ST8SIA1: variants seen among roughly 807,000 people sequenced by gnomAD.
The protein encoded by ST8SIA1 is ST8 alpha-N-acetyl-neuraminide alpha-2,8-sialyltransferase 1.
A neutral mutation model predicts 35.9 loss-of-function variants in ST8SIA1; 16 were observed. That is an observed-to-expected ratio of 0.45 (90% CI 0.30 to 0.68). The LOEUF (loss-of-function observed/expected upper bound fraction) is 0.68, where lower values mean the gene tolerates loss of function less well. Among genes scored for constraint, ST8SIA1 ranks in the 30% least tolerant of loss-of-function variants. The probability of loss-of-function intolerance (pLI) is 0.09; values close to 1 mark genes in which losing one functional copy is unlikely to be tolerated. For missense variants in ST8SIA1, 383 were observed against 453.6 expected (o/e 0.84, Z 1.41); for synonymous variants, 170 against 169.6 (o/e 1.00, Z -0.02).
chr12:22,266,854 C>T (rs1237178161), intron 2 of ST8SIA1, among the ~76,000 whole-genome samples: 3 of 132,738 alleles, frequency 2.3e-5, no homozygotes, highest in African/African-American at 7.6e-5. Flanking sequence ...AGTATACACA[C>T]ACACACACAC....
At chr12:22,273,827 C>T (rs1157855776) in intron 2 of ST8SIA1, among the ~76,000 whole-genome samples, 1 of 152,194 alleles carries the variant, frequency 6.6e-6, no homozygotes, top group Non-Finnish European at 1.5e-5. Flanking sequence ...CAAACTGAGA[C>T]ACATAACTCC....
intron 1 of ST8SIA1, among the ~76,000 whole-genome samples, chr12:22,321,603 G>A (rs774643668): frequency 2.0e-5 from 3 of 152,206 alleles, no homozygotes; most frequent in East Asian, 3.9e-4. Flanking sequence ...AAATACCAGA[G>A]TGAGACTGTC....
At chr12:22,309,146 ACCC>A (rs1474508369) in intron 1 of ST8SIA1, among the ~76,000 whole-genome samples, 33 of 152,128 alleles carry the variant, frequency 2.2e-4, no homozygotes, top group African/African-American at 7.5e-4. Flanking sequence ...GGCGAAGGGG[ACCC>A]CAAGATAATC....
intron 4 of ST8SIA1, among the ~76,000 whole-genome samples, chr12:22,238,243 A>G (rs942926608): frequency 6.6e-6 from 1 of 152,202 alleles, no homozygotes; most frequent in Non-Finnish European, 1.5e-5. Flanking sequence ...GCTTCAAGCA[A>G]TAGAGTATGA....
chr12:22,308,870 C>A (rs1866415834), intron 1 of ST8SIA1, among the ~76,000 whole-genome samples: 1 of 152,102 alleles, frequency 6.6e-6, no homozygotes, highest in Non-Finnish European at 1.5e-5. Flanking sequence ...TTTTCTCTCT[C>A]CCCTGATAAA....
intron 4 of ST8SIA1, among the ~76,000 whole-genome samples, chr12:22,227,032 T>C (rs1865367120): frequency 1.3e-5 from 2 of 152,138 alleles, no homozygotes; most frequent in East Asian, 3.9e-4. Context: ...CTGCAATCTC[T>C]GCCTCCCGGG....
intron 3 of ST8SIA1, among the ~76,000 whole-genome samples, chr12:22,251,966 T>C (rs1865675858): frequency 6.6e-6 from 1 of 152,222 alleles, no homozygotes; most frequent in Non-Finnish European, 1.5e-5. Flanking sequence ...CCCTCATTCA[T>C]GTCCCCAAGC....
At chr12:22,309,174 C>A (rs909038677) in intron 1 of ST8SIA1, among the ~76,000 whole-genome samples, 22 of 152,174 alleles carry the variant, frequency 1.4e-4, no homozygotes, top group African/African-American at 5.3e-4. Flanking sequence ...AAACTAAGTT[C>A]TTGGCCATGA....
chr12:22,255,926 G>A (rs1287948106), intron 2 of ST8SIA1, among the ~76,000 whole-genome samples: 4 of 152,284 alleles, frequency 2.6e-5, no homozygotes, highest in Admixed American at 6.5e-5. Flanking sequence ...ATGAGAGTGT[G>A]AAAACATATA....
In ST8SIA1 at chr12:22,198,686, T is replaced by C. The variant is rs1865017231; in HGVS notation, c.*2866A>G. On this transcript the variant is annotated 3_prime_UTR_variant, in exon 5 of 5. Coordinates refer to ENST00000396037, the MANE Select transcript of ST8SIA1 (RefSeq NM_003034.4). ...TCATATTTTGAATGCTGTGAGCATGTATATCTATCTTTAAGTGAAGACAAG... is the reference window on the plus strand; with the variant it reads ...TCATATTTTGAATGCTGTGAGCATGCATATCTATCTTTAAGTGAAGACAAG... 1 of 152,144 alleles carries C rather than the reference T, an allele frequency of 6.6e-6. No individual in the cohort carries two copies. Among genetic ancestry groups the C allele is most frequent in the Non-Finnish European group, 1.5e-5 (1 of 68,024 alleles). The allele number at this position is 152,144 out of a possible 1,614,324, so 9.4% of individuals were successfully genotyped here. A position where few individuals can be genotyped will look rare whatever the true frequency, so the allele number is the denominator to read the frequency against.
intron 1 of ST8SIA1, among the ~76,000 whole-genome samples, chr12:22,310,798 G>A (rs1866439659): frequency 6.6e-6 from 1 of 151,940 alleles, no homozygotes; most frequent in Admixed American, 6.6e-5. Flanking sequence ...ATAAAAATAT[G>A]ATAAATCAAC....
chr12:22,304,268 T>C (rs559779219), intron 1 of ST8SIA1, among the ~76,000 whole-genome samples: 1 of 152,136 alleles, frequency 6.6e-6, no homozygotes, highest in Admixed American at 6.5e-5. Flanking sequence ...TGTGTCTATG[T>C]GTTTGTATTT....
intron 1 of ST8SIA1, among the ~76,000 whole-genome samples, chr12:22,312,620 C>T (rs1178543134): frequency 6.7e-6 from 1 of 149,474 alleles, no homozygotes; most frequent in Non-Finnish European, 1.5e-5. Context: ...TGCTATTGCT[C>T]TTGTTGGTAA....
At chr12:22,261,860 A>G (rs530638097) in intron 2 of ST8SIA1, among the ~76,000 whole-genome samples, 108 of 152,242 alleles carry the variant, frequency 7.1e-4, no homozygotes, top group African/African-American at 2.5e-3. Flanking sequence ...TCAACTTTTC[A>G]TTGAGCACCT....
chr12:22,305,633 G>A (rs558252976), intron 1 of ST8SIA1, among the ~76,000 whole-genome samples: 8 of 152,060 alleles, frequency 5.3e-5, no homozygotes, highest in African/African-American at 9.6e-5. Flanking sequence ...CACCTGCCTC[G>A]GCCTCCCAAA....
intron 4 of ST8SIA1, among the ~76,000 whole-genome samples, chr12:22,244,192 C>T (rs767082340): frequency 6.6e-6 from 1 of 152,128 alleles, no homozygotes; most frequent in African/African-American, 2.4e-5. Context: ...CATCACTTAG[C>T]ATACTCTTTT....
Position 22,195,203 on chromosome 12 carries a change from A to AG in ST8SIA1, c.*6348_*6349insC. The AG allele has an allele frequency of 6.9e-6, 1 of 145,166 alleles. No individual in the cohort carries two copies. The highest frequency in any genetic ancestry group is 1.5e-5 in the Non-Finnish European group (1 of 66,040). The allele number at this position is 145,166 out of a possible 1,614,324, so 9.0% of individuals were successfully genotyped here. A position where few individuals can be genotyped will look rare whatever the true frequency, so the allele number is the denominator to read the frequency against. ...TCTGTCTCAACAAAAAAAAAAAAAA[A>AG]AAAAAAAAAGAAAGAAAGAAAGAAA... On this transcript the variant is annotated 3_prime_UTR_variant, in exon 5 of 5. Transcript: ENST00000396037.
intron 2 of ST8SIA1, among the ~76,000 whole-genome samples, chr12:22,273,074 T>A (rs1231847106): frequency 1.3e-5 from 2 of 152,178 alleles, no homozygotes; most frequent in East Asian, 3.9e-4. Context: ...GGACAGTTAT[T>A]CTGAGGTTTC....
At chr12:22,243,000 T>A (rs1484997677) in intron 4 of ST8SIA1, among the ~76,000 whole-genome samples, 1 of 152,166 alleles carries the variant, frequency 6.6e-6, no homozygotes, top group Non-Finnish European at 1.5e-5. Context: ...CAAAGCTCCT[T>A]CTTACTGTAG....
Sources: gnomAD v4.1 joint callset for allele counts (sites outside exome capture counted in the v4.1 genomes callset) on GRCh38, gnomAD v4.1.1 for gene constraint, MANE v1.5 for transcripts, NCBI Gene and HGNC (gene_info 2026-07-23, HGNC 2026-07-21) for gene names.